FSTL4: variants seen among roughly 807,000 people sequenced by gnomAD.
FSTL4 encodes follistatin like 4.
Under a neutral mutation model 78.2 loss-of-function variants are expected in FSTL4, and 28 were observed. The observed-to-expected ratio is 0.36, with a 90% confidence interval of 0.27 to 0.49. The LOEUF (loss-of-function observed/expected upper bound fraction) is 0.49, where lower values mean the gene tolerates loss of function less well. Ranked by LOEUF, FSTL4 falls within the 20% of genes least tolerant of loss-of-function variation. The pLI, the probability that FSTL4 is intolerant of heterozygous loss-of-function variation, is 0.98. For missense variants in FSTL4, 922 were observed against 1,084.9 expected, an observed-to-expected ratio of 0.85 and a Z score of 2.11; for synonymous variants, 422 against 440.5, an observed-to-expected ratio of 0.96 and a Z score of 0.53.
At chr5:133,764,188 C>T in the FSTL4 span, among the ~76,000 whole-genome samples, 1 of 152,222 alleles carries the variant, frequency 6.6e-6, no homozygotes, top group African/African-American at 2.4e-5. Context: ...CTTTGGTGAA[C>T]ACTGCCTTTT....
intron 3 of FSTL4, among the ~76,000 whole-genome samples, chr5:133,511,806 A>G (rs1758736530): frequency 6.6e-6 from 1 of 152,150 alleles, no homozygotes; most frequent in Admixed American, 6.5e-5. Flanking sequence ...GGAAAGAGAC[A>G]GGGCAGCAGG....
intron 6 of FSTL4, among the ~76,000 whole-genome samples, chr5:133,294,800 T>A (rs942713891): frequency 1.3e-5 from 2 of 152,156 alleles, no homozygotes; most frequent in African/African-American, 4.8e-5. Context: ...ACTGACCAAC[T>A]GTATGCCTGT....
intron 3 of FSTL4, among the ~76,000 whole-genome samples, chr5:133,507,763 C>T (rs1448645083): frequency 3.3e-5 from 5 of 151,794 alleles, no homozygotes; most frequent in Non-Finnish European, 7.4e-5. Context: ...CCTCATGATC[C>T]GCCCTCCTCG....
At chr5:133,595,208 C>T (rs1296810794) in intron 2 of FSTL4, among the ~76,000 whole-genome samples, 1 of 152,286 alleles carries the variant, frequency 6.6e-6, no homozygotes, top group African/African-American at 2.4e-5. Flanking sequence ...AGGGTCCCAC[C>T]TGTTCCTACA....
chr5:133,434,323 T>A (rs1419713880), intron 3 of FSTL4, among the ~76,000 whole-genome samples: 1 of 152,220 alleles, frequency 6.6e-6, no homozygotes, highest in Non-Finnish European at 1.5e-5. Flanking sequence ...CATTTTACTA[T>A]ATTTCACCTT....
the FSTL4 span, among the ~76,000 whole-genome samples, chr5:133,789,378 A>G: frequency 6.6e-6 from 1 of 152,238 alleles, no homozygotes; most frequent in Admixed American, 6.5e-5. Flanking sequence ...TTTTATAAAG[A>G]ATGAAAAGAA....
chr5:133,677,275 G>C, the FSTL4 span, among the ~76,000 whole-genome samples: 1 of 152,216 alleles, frequency 6.6e-6, no homozygotes, highest in South Asian at 2.1e-4. Context: ...GGCAAATCTA[G>C]AGGGCCCGAG....
At chr5:133,654,157 C>T in the FSTL4 span, among the ~76,000 whole-genome samples, 1 of 152,254 alleles carries the variant, frequency 6.6e-6, no homozygotes, top group East Asian at 1.9e-4. Context: ...CTGTCTGCAA[C>T]CAGCTCCCTT....
At chr5:133,782,026 C>G in the FSTL4 span, among the ~76,000 whole-genome samples, 2 of 152,172 alleles carry the variant, frequency 1.3e-5, no homozygotes, top group Non-Finnish European at 2.9e-5. Flanking sequence ...GACACAATTA[C>G]CCATCAAAGG....
At chr5:133,719,307 T>C in the FSTL4 span, among the ~76,000 whole-genome samples, 24 of 152,280 alleles carry the variant, frequency 1.6e-4, no homozygotes, top group Non-Finnish European at 2.5e-4. Context: ...ACACAGAATA[T>C]TAAATATATA....
chr5:133,590,093 CTTTATTTA>C (rs60216054), intron 2 of FSTL4, among the ~76,000 whole-genome samples: 16 of 149,134 alleles, frequency 1.1e-4, no homozygotes, highest in Admixed American at 2.0e-4. Context: ...GGAATCTCCT[CTTTATTTA>C]TTTATTTATT....
chr5:133,445,364 GC>G (rs1387041604), intron 3 of FSTL4, among the ~76,000 whole-genome samples: 5 of 152,122 alleles, frequency 3.3e-5, no homozygotes, highest in Admixed American at 1.3e-4. Flanking sequence ...GATCACTGCT[GC>G]GGGGCAGCAC....
the FSTL4 span, among the ~76,000 whole-genome samples, chr5:133,757,749 A>T: frequency 2.4e-4 from 37 of 152,216 alleles, 1 homozygote; most frequent in Admixed American, 2.4e-3. Flanking sequence ...AGGCTCTTCT[A>T]GTTGATTCAG....
At chr5:133,260,889 C>T (rs753061924) in intron 6 of FSTL4, among the ~76,000 whole-genome samples, 10 of 152,180 alleles carry the variant, frequency 6.6e-5, no homozygotes, top group Non-Finnish European at 1.3e-4. Flanking sequence ...ACTGTGGGCA[C>T]GAGCAGAAAG....
At chr5:133,645,657 G>C in the FSTL4 span, among the ~76,000 whole-genome samples, 1 of 152,232 alleles carries the variant, frequency 6.6e-6, no homozygotes, top group East Asian at 1.9e-4. Context: ...GAGAGGAAGA[G>C]TTTGTCCTGA....
chr5:133,456,511 T>G (rs1031423931), intron 3 of FSTL4, among the ~76,000 whole-genome samples: 1 of 152,212 alleles, frequency 6.6e-6, no homozygotes, highest in Non-Finnish European at 1.5e-5. Flanking sequence ...GCTGATTCTC[T>G]GCCTGCTGCC....
the FSTL4 span, among the ~76,000 whole-genome samples, chr5:133,621,261 G>A: frequency 3.9e-5 from 6 of 152,112 alleles, no homozygotes; most frequent in East Asian, 1.9e-4. Context: ...TGAGCTGGGC[G>A]TGTTGGCATG....
chr5:133,436,441 G>A (rs1017002656), intron 3 of FSTL4, among the ~76,000 whole-genome samples: 1 of 152,178 alleles, frequency 6.6e-6, no homozygotes, highest in Non-Finnish European at 1.5e-5. Flanking sequence ...AGAGAACATG[G>A]TGTGAGTTGA....
chr5:133,533,744 A>T (rs917985772), intron 3 of FSTL4, among the ~76,000 whole-genome samples: 5 of 152,222 alleles, frequency 3.3e-5, no homozygotes, highest in African/African-American at 9.6e-5. Context: ...AGTCACCCTG[A>T]GTGCCCACCC....
Sources: allele counts gnomAD v4.1 joint callset (sites outside exome capture counted in the v4.1 genomes callset), GRCh38; gene constraint gnomAD v4.1.1; transcripts MANE v1.5; gene names NCBI Gene and HGNC (gene_info 2026-07-23, HGNC 2026-07-21).